ZBTB7C: variants seen among roughly 807,000 people sequenced by gnomAD.
ZBTB7C encodes zinc finger and BTB domain-containing protein 7C.
In ZBTB7C, 8 loss-of-function variants were observed where a neutral mutation model predicts 25.7. That is an observed-to-expected ratio of 0.31 (90% CI 0.18 to 0.56). The LOEUF (loss-of-function observed/expected upper bound fraction) is 0.56. Among genes scored for constraint, ZBTB7C ranks in the 20% least tolerant of loss-of-function variants. The pLI is 0.91. For synonymous variants in ZBTB7C, 394 were observed against 369.0 expected, an observed-to-expected ratio of 1.07 and a Z score of -0.78; for missense variants, 824 against 855.2, an observed-to-expected ratio of 0.96 and a Z score of 0.46.
At chr18:48,374,794 G>C (rs1213662169) in intron 1 of ZBTB7C, among the ~76,000 whole-genome samples, 1 of 152,208 alleles carries the variant, frequency 6.6e-6, no homozygotes. Context: ...CAGTGGTGAT[G>C]GTTCTTTGGA....
chr18:48,234,111 C>G (rs2043319122), intron 2 of ZBTB7C, among the ~76,000 whole-genome samples: 1 of 152,144 alleles, frequency 6.6e-6, no homozygotes, highest in African/African-American at 2.4e-5. Flanking sequence ...CCCCTTTTAT[C>G]CCAATCTCAA....
chr18:48,182,618 C>G (rs1334356010), intron 3 of ZBTB7C, among the ~76,000 whole-genome samples: 1 of 152,166 alleles, frequency 6.6e-6, no homozygotes, highest in Non-Finnish European at 1.5e-5. Flanking sequence ...CTGTTTCAGC[C>G]CCTTCTACCA....
At chr18:48,335,185 G>A (rs2046433415) in intron 2 of ZBTB7C, among the ~76,000 whole-genome samples, 1 of 152,224 alleles carries the variant, frequency 6.6e-6, no homozygotes, top group Non-Finnish European at 1.5e-5. Context: ...AGGGAGAGTG[G>A]AGACAGAACT....
At chr18:48,329,002 G>T (rs1358168396) in intron 2 of ZBTB7C, among the ~76,000 whole-genome samples, 2 of 152,162 alleles carry the variant, frequency 1.3e-5, no homozygotes, top group African/African-American at 4.8e-5. Flanking sequence ...GAATGAGTGG[G>T]TAAATGGATG....
At chr18:48,311,668 C>T (rs1040394534) in intron 2 of ZBTB7C, among the ~76,000 whole-genome samples, 4 of 152,138 alleles carry the variant, frequency 2.6e-5, no homozygotes, top group African/African-American at 7.2e-5. Context: ...CACTAAGATA[C>T]ATCTGATGGC....
At chr18:48,171,066 G>A (rs1485243507) in intron 3 of ZBTB7C, among the ~76,000 whole-genome samples, 1 of 152,168 alleles carries the variant, frequency 6.6e-6, no homozygotes, top group Non-Finnish European at 1.5e-5. Flanking sequence ...CCTAAGGTTG[G>A]TAGGTCCCAA....
intron 3 of ZBTB7C, among the ~76,000 whole-genome samples, chr18:48,057,356 A>G (rs987918856): frequency 3.9e-5 from 6 of 152,226 alleles, no homozygotes. Context: ...CCATCAATAG[A>G]GGCTTGCTAG....
At chr18:48,168,250 T>TTA (rs2041338392) in intron 3 of ZBTB7C, among the ~76,000 whole-genome samples, 1 of 152,224 alleles carries the variant, frequency 6.6e-6, no homozygotes, top group Non-Finnish European at 1.5e-5. Flanking sequence ...TGGAAAAGGC[T>TTA]TACTTGCTGC....
intron 2 of ZBTB7C, among the ~76,000 whole-genome samples, chr18:48,240,362 C>T (rs987561504): frequency 6.6e-6 from 1 of 152,150 alleles, no homozygotes; most frequent in Non-Finnish European, 1.5e-5. Context: ...GGCAATTCAT[C>T]ACAAAAAGAT....
intron 2 of ZBTB7C, among the ~76,000 whole-genome samples, chr18:48,287,349 A>C (rs1225390689): frequency 6.6e-6 from 1 of 152,256 alleles, no homozygotes; most frequent in Non-Finnish European, 1.5e-5. Context: ...GGAAGAATAT[A>C]ATTTGTAAAA....
chr18:48,216,828 C>T lies in ZBTB7C; in HGVS notation c.-78-30833G>A, dbSNP rs117225636. Among the ~76,000 whole-genome samples the T allele has an allele frequency of 9.1e-4, 139 of 152,232 alleles. 5 individuals carry two copies. The East Asian group carries it at 0.024, about 26-fold the overall frequency. The stretch of plus-strand genomic sequence containing the variant: ...GTTGTGGGTTGAACTGTGTCCACCC[C>T]GAATTCATGTGGTAAGGTCCTACCT... On this transcript the variant is annotated intron_variant, in intron 2 of 4. Coordinates refer to ENST00000590800, the MANE Select transcript of ZBTB7C (RefSeq NM_001318841.2).
intron 3 of ZBTB7C, among the ~76,000 whole-genome samples, chr18:48,069,952 C>T (rs1052584945): frequency 1.3e-5 from 2 of 152,130 alleles, no homozygotes; most frequent in Non-Finnish European, 2.9e-5. Context: ...TATGTACATG[C>T]TGTCCATGGG....
chr18:48,382,765 C>T (rs886758665), intron 1 of ZBTB7C, among the ~76,000 whole-genome samples: 3 of 152,162 alleles, frequency 2.0e-5, no homozygotes, highest in African/African-American at 7.2e-5. Context: ...AAATTCTTTG[C>T]TTATATACAG....
intron 3 of ZBTB7C, among the ~76,000 whole-genome samples, chr18:48,087,456 A>G (rs557201623): frequency 6.6e-6 from 1 of 152,304 alleles, no homozygotes; most frequent in East Asian, 1.9e-4. Flanking sequence ...CCAAGTGATC[A>G]GAGCTGTGAC....
intron 2 of ZBTB7C, among the ~76,000 whole-genome samples, chr18:48,277,408 A>G (rs1598759774): frequency 6.6e-6 from 1 of 152,038 alleles, no homozygotes; most frequent in African/African-American, 2.4e-5. Context: ...GCTCATCATC[A>G]CTGGCCATCA....
intron 2 of ZBTB7C, among the ~76,000 whole-genome samples, chr18:48,248,815 T>C (rs1228746699): frequency 6.6e-6 from 1 of 152,130 alleles, no homozygotes; most frequent in African/African-American, 2.4e-5. Context: ...TACTCACAGA[T>C]TGAGATTGAC....
rs2036337103 is a variant in ZBTB7C at position 48,043,356 on chromosome 18, TG to T, written c.-16-2234del. Among the ~76,000 whole-genome samples, 4 of 152,334 alleles carry T rather than the reference TG, an allele frequency of 2.6e-5. No individual in the cohort carries two copies. The South Asian group carries it at 8.3e-4, about 32-fold the overall frequency. On this transcript the variant is annotated intron_variant, in intron 3 of 4. Coordinates refer to ENST00000590800, the MANE Select transcript of ZBTB7C (RefSeq NM_001318841.2). ...AACCTAGACATCCTTCAAAGGTGTA[TG>T]GCTAAACATTGTGGTACATCCATGC...
intron 2 of ZBTB7C, among the ~76,000 whole-genome samples, chr18:48,220,331 T>A (rs748437534): frequency 1.3e-5 from 2 of 152,168 alleles, no homozygotes; most frequent in Non-Finnish European, 2.9e-5. Context: ...GTGCCAGCGC[T>A]GGCACCTTGG....
intron 3 of ZBTB7C, among the ~76,000 whole-genome samples, chr18:48,042,183 CAGTAAA>C (rs2036277263): frequency 6.6e-6 from 1 of 152,176 alleles, no homozygotes; most frequent in Admixed American, 6.5e-5. Context: ...CTGGTTGGGC[CAGTAAA>C]GCCCCTTCCT....
Sources: gnomAD v4.1 joint callset for allele counts (sites outside exome capture counted in the v4.1 genomes callset) on GRCh38, gnomAD v4.1.1 for gene constraint, MANE v1.5 for transcripts, NCBI Gene and HGNC (gene_info 2026-07-23, HGNC 2026-07-21) for gene names.